RTF1: variants seen among roughly 807,000 people sequenced by gnomAD.
The protein encoded by RTF1 is RTF1 homolog, Paf1/RNA polymerase II complex component, also known as RNA polymerase-associated protein RTF1 homolog.
A neutral mutation model predicts 95.7 loss-of-function variants in RTF1; 10 were observed. The ratio of observed to expected loss-of-function variants is 0.10; its 90% CI spans 0.06 to 0.18. RTF1 has a LOEUF of 0.18. RTF1 is among the 10% of genes least tolerant of loss of function. RTF1 has a pLI of 1.00. For missense variants in RTF1, 458 were observed against 875.6 expected (o/e 0.52, Z 6.02); for synonymous variants, 305 against 311.8 (o/e 0.98, Z 0.23).
chr15:41,442,397 G>C (rs1177773940), intron 2 of RTF1, among the ~76,000 whole-genome samples: 1 of 151,824 alleles, frequency 6.6e-6, no homozygotes, highest in Non-Finnish European at 1.5e-5. Context: ...TTGATATCCT[G>C]ACCTCATGAT....
chr15:41,442,822 G>A (rs1185645218), intron 2 of RTF1, among the ~76,000 whole-genome samples: 2 of 152,110 alleles, frequency 1.3e-5, no homozygotes, highest in African/African-American at 4.8e-5. Context: ...GAAGGCAGAG[G>A]TTGCAGTGGG....
At chr15:41,431,218 CT>C (rs543088486) in intron 1 of RTF1, among the ~76,000 whole-genome samples, 198 of 129,838 alleles carry the variant, frequency 1.5e-3, no homozygotes, top group East Asian at 6.1e-3. Flanking sequence ...TTTCTTTTTT[CT>C]TTTTTTTTTT....
At chr15:41,440,485 G>A (rs950930643) in intron 2 of RTF1, among the ~76,000 whole-genome samples, 2 of 148,184 alleles carry the variant, frequency 1.3e-5, no homozygotes, top group African/African-American at 2.5e-5. Context: ...CACCGCGCCT[G>A]GCCTCTTTTT....
chr15:41,434,829 A>G (rs900534028), intron 1 of RTF1, among the ~76,000 whole-genome samples: 2 of 151,800 alleles, frequency 1.3e-5, no homozygotes, highest in Non-Finnish European at 2.9e-5. Context: ...GAGTTTCACT[A>G]TGTTGGCCAG....
At chr15:41,421,785 G>T (rs558873717) in intron 1 of RTF1, among the ~76,000 whole-genome samples, 38 of 150,634 alleles carry the variant, frequency 2.5e-4, no homozygotes, top group African/African-American at 8.8e-4. Flanking sequence ...TACAGCTCAC[G>T]GCTGTAGCGT....
intron 2 of RTF1, among the ~76,000 whole-genome samples, chr15:41,440,839 A>G (rs896511272): frequency 1.3e-5 from 2 of 151,816 alleles, no homozygotes; most frequent in African/African-American, 4.9e-5. Flanking sequence ...ATTTCTCTCA[A>G]ATTAACAAAA....
chr15:41,448,444 A>ACC (rs1307807486), intron 2 of RTF1, among the ~76,000 whole-genome samples: 1 of 152,088 alleles, frequency 6.6e-6, no homozygotes, highest in African/African-American at 2.4e-5. Flanking sequence ...AGGCAGGCAG[A>ACC]CCCCCTGAGG....
At position 41,417,180 on chromosome 15, in the gene RTF1, C is replaced by T; in HGVS notation, c.65C>T (p.Ala22Val). The T allele has an allele frequency of 7.9e-7, 1 of 1,265,048 alleles. No individual in the cohort carries two copies. Among genetic ancestry groups the T allele is most frequent in the Non-Finnish European group, 1.0e-6 (1 of 1,001,128 alleles). 78.4% of individuals were successfully genotyped at this position (1,265,048 alleles called of 1,614,324 possible). Residue 22 changes from alanine to valine, a missense_variant, in exon 1 of 18, where the codon GCA (alanine) becomes GTA (valine). By Grantham distance (64) the Ala-to-Val change is moderately conservative (BLOSUM62 0). This residue lies in a region of RTF1 where 81 missense variants were observed against 59.9 expected (regional missense o/e 1.35). Coordinates refer to ENST00000389629, the MANE Select transcript of RTF1 (RefSeq NM_015138.5). ...GCGGCGGCAGTGGCGGTCCCACTGGCAGGCGGGCAAGAGGGGAGTCCGGGC... is the reference window on the plus strand; with the variant it reads ...GCGGCGGCAGTGGCGGTCCCACTGGTAGGCGGGCAAGAGGGGAGTCCGGGC... Reference protein sequence around the residue: ...AAAAAVAVPLAGGQEGSPGGG... With the variant: ...AAAAAVAVPLVGGQEGSPGGG...
chr15:41,463,514 G>A (rs913435530), intron 4 of RTF1, among the ~76,000 whole-genome samples: 3 of 152,124 alleles, frequency 2.0e-5, no homozygotes, highest in Non-Finnish European at 4.4e-5. Context: ...GTCTCACTCT[G>A]TCGCCCAGGC....
intron 15 of RTF1, 187 bp from the exon 16 acceptor site, chr15:41,478,916 G>A: frequency 3.3e-6 from 2 of 610,192 alleles, no homozygotes; most frequent in South Asian, 4.1e-5. Context: ...TGGCTGGGCT[G>A]GGCTTGGCTT....
At chr15:41,433,634 A>T (rs1394856269) in intron 1 of RTF1, among the ~76,000 whole-genome samples, 2 of 152,010 alleles carry the variant, frequency 1.3e-5, no homozygotes, top group African/African-American at 4.8e-5. Flanking sequence ...AAGTCTTTAA[A>T]GCTTATAAAT....
intron 16 of RTF1, 24 bp from the exon 17 acceptor site, chr15:41,480,190 T>C: frequency 2.1e-6 from 3 of 1,457,428 alleles, no homozygotes; most frequent in Non-Finnish European, 2.9e-6. Context: ...GCTCTTACCA[T>C]TAGCTTTCCT....
At chr15:41,442,242 G>A (rs775917712) in intron 2 of RTF1, among the ~76,000 whole-genome samples, 13 of 149,392 alleles carry the variant, frequency 8.7e-5, no homozygotes, top group East Asian at 2.0e-4. Context: ...ATCTTGGCTC[G>A]CTGTAAGCTC....
chr15:41,432,998 A>G (rs558958761), intron 1 of RTF1, among the ~76,000 whole-genome samples: 170 of 152,246 alleles, frequency 1.1e-3, no homozygotes, highest in Admixed American at 1.8e-3. Context: ...CACACCTGTA[A>G]TCCCAACACT....
At chr15:41,445,160 C>T (rs898299666) in intron 2 of RTF1, among the ~76,000 whole-genome samples, 5 of 152,086 alleles carry the variant, frequency 3.3e-5, no homozygotes, top group Non-Finnish European at 7.4e-5. Flanking sequence ...TGGTCTTGAT[C>T]TCCTGACCTC....
At chr15:41,435,455 G>A (rs1000383963) in intron 1 of RTF1, among the ~76,000 whole-genome samples, 2 of 151,504 alleles carry the variant, frequency 1.3e-5, no homozygotes, top group African/African-American at 2.4e-5. Flanking sequence ...GATTACAGGT[G>A]TAGACCACCG....
chr15:41,430,011 C>CTTTTTTTTTTTTT (rs747303648), intron 1 of RTF1, among the ~76,000 whole-genome samples: 1 of 130,044 alleles, frequency 7.7e-6, no homozygotes, highest in Non-Finnish European at 1.7e-5. Context: ...TTTTTCTTTT[C>CTTTTTTTTTTTTT]TTTTTTTTTT....
rs900541912 is a variant in RTF1 at position 41,475,020 on chromosome 15, CTA to C, written c.1286+320_1286+321del. Among the ~76,000 whole-genome samples, 100 of 152,300 alleles carry C rather than the reference CTA, an allele frequency of 6.6e-4. 1 individual carries two copies. Among genetic ancestry groups the C allele is most frequent in the African/African-American group, 2.3e-3 (94 of 41,566 alleles). On this transcript the variant is annotated intron_variant, in intron 9 of 17. Transcript: ENST00000389629. The stretch of plus-strand genomic sequence containing the variant: ...AAGAGGCTTGCTTCTGGTTCTGGCT[CTA>C]TGTCATAACCTCATCTGTGACAAGA...
chr15:41,479,325 T>C (rs559050297), intron 16 of RTF1, 127 bp downstream of exon 16: 1 of 617,066 alleles, frequency 1.6e-6, no homozygotes, highest in South Asian at 2.0e-5. Flanking sequence ...TGGAGTCCCT[T>C]CTCCATCCCA....
Sources: allele counts gnomAD v4.1 joint callset (sites outside exome capture counted in the v4.1 genomes callset), GRCh38; gene constraint gnomAD v4.1.1; regional missense constraint gnomAD v4.1.1; transcripts MANE v1.5; gene names NCBI Gene and HGNC (gene_info 2026-07-23, HGNC 2026-07-21).